Variants in ZNF560 observed in about 807,000 individuals in gnomAD.
ZNF560 encodes the protein zinc finger protein 560.
In ZNF560, 54 loss-of-function variants were observed where a neutral mutation model predicts 81.8. That is an observed-to-expected ratio of 0.66 (90% confidence interval 0.53 to 0.83). ZNF560 has a LOEUF of 0.83. Among genes scored for constraint, ZNF560 ranks in the 40% least tolerant of loss-of-function variants. The probability of loss-of-function intolerance (pLI) is 0.00; values close to 1 mark genes in which losing one functional copy is unlikely to be tolerated. For missense variants in ZNF560, 940 were observed against 932.4 expected (o/e 1.01, Z -0.11); for synonymous variants, 321 against 317.9 (o/e 1.01, Z -0.10).
At chr19:9,446,544 G>A in the ZNF560 span, among the ~76,000 whole-genome samples, 2 of 152,102 alleles carry the variant, frequency 1.3e-5, no homozygotes, top group African/African-American at 4.8e-5. Flanking sequence ...CTGCACTCTG[G>A]TATGCCTTGG....
the ZNF560 span, among the ~76,000 whole-genome samples, chr19:9,446,687 A>G: frequency 6.6e-6 from 1 of 152,184 alleles, no homozygotes; most frequent in Non-Finnish European, 1.5e-5. Flanking sequence ...TCCAGATACA[A>G]TTCAAGTCCC....
the ZNF560 span, among the ~76,000 whole-genome samples, chr19:9,453,684 A>T: frequency 6.6e-6 from 1 of 152,212 alleles, no homozygotes; most frequent in African/African-American, 2.4e-5. Context: ...AGTGCCTACA[A>T]AATATAAAAA....
chr19:9,476,069 A>G (rs2073197250), intron 2 of ZNF560, among the ~76,000 whole-genome samples: 1 of 150,756 alleles, frequency 6.6e-6, no homozygotes, highest in African/African-American at 2.5e-5. Context: ...GAAAGGAACT[A>G]CTAGTGTGAA....
rs377221788 is a variant in ZNF560 at position 9,467,511 on chromosome 19, C to G, written c.1436G>C (p.Arg479Thr). The G allele has an allele frequency of 3.5e-5, 57 of 1,614,110 alleles. No individual in the cohort carries two copies. The East Asian group carries it at 3.6e-4, about 10-fold the overall frequency. The change falls in exon 10 of 10, where the codon AGA becomes ACA. Residue 479 changes from arginine to threonine, a missense_variant. Transcript: ENST00000301480. ...FGTSSGVIED[R>T]RSNTGQKRFD... ...GCGTTTCTGTCCTGTGTTACTTCTT[C>G]TATCTTCAATAACACCTGAGGATGT...
chr19:9,471,371 T>C lies in ZNF560; in HGVS notation c.246A>G (p.Ala82=). 2 of 1,577,920 alleles carry C rather than the reference T, an allele frequency of 1.3e-6. No homozygotes were observed. Among genetic ancestry groups the C allele is most frequent in the Non-Finnish European group, 1.7e-6 (2 of 1,166,838 alleles). The change falls in exon 6 of 10, where the codon GCA becomes GCG. Residue 82 remains alanine, a synonymous_variant. Transcript: ENST00000301480. ...CTGAAACACTGGTTTGATGTTTTAT[T>C]GCCCAGTCTGAAACAAAAACATAAA... is the stretch of plus-strand genomic sequence containing the variant. ...TLQQGVLQDW[A]IKHQTSVSAL...
the ZNF560 span, among the ~76,000 whole-genome samples, chr19:9,455,480 G>C: frequency 6.6e-6 from 1 of 152,152 alleles, no homozygotes. Flanking sequence ...TGCATTAGAC[G>C]CACAAGTGGT....
At position 9,467,123 on chromosome 19, in the gene ZNF560, G is replaced by A; in HGVS notation, c.1824C>T (p.Ala608=). The A allele has an allele frequency of 6.2e-7, 1 of 1,613,946 alleles. No individual in the cohort carries two copies. The highest frequency in any genetic ancestry group is 2.2e-5 in the East Asian group (1 of 44,870). ...TAGTAAGATCTGAGCGTTCTGTGAA[G>A]GCTTTTCCACATTTCTTACATTCAT... ...KPYECKKCGK[A]FTERSDLTKH... Residue 608 remains alanine (A), a synonymous_variant, in exon 10 of 10, where the codon GCC becomes GCT. Coordinates refer to ENST00000301480, the MANE Select transcript of ZNF560 (RefSeq NM_152476.3).
At position 9,498,136 on chromosome 19, in the gene ZNF560, G is replaced by A. The variant is rs1357433873; in HGVS notation, c.-65C>T. Reference sequence around the variant, plus strand: ...TTTTTCCCAATGCTCACCCGAACACGGTGGAGTCGCCAGGTCCGTGGGGCT... The same window carrying A: ...TTTTTCCCAATGCTCACCCGAACACAGTGGAGTCGCCAGGTCCGTGGGGCT... On this transcript the variant is annotated 5_prime_UTR_variant, in exon 2 of 10. Coordinates refer to ENST00000301480, the MANE Select transcript of ZNF560 (RefSeq NM_152476.3). The A allele has an allele frequency of 6.6e-6, 1 of 152,218 alleles. No individual in the cohort carries two copies. The highest frequency in any genetic ancestry group is 1.5e-5 in the Non-Finnish European group (1 of 68,032). The allele number at this position is 152,218 out of a possible 1,614,324, so 9.4% of individuals were successfully genotyped here.
At chr19:9,491,718 C>G (rs1373808418) in intron 2 of ZNF560, among the ~76,000 whole-genome samples, 1 of 149,616 alleles carries the variant, frequency 6.7e-6, no homozygotes, top group Non-Finnish European at 1.5e-5. Context: ...CCCAGCTACT[C>G]AGGAGGCTGA....
Position 9,467,697 on chromosome 19 carries a change from G to A in ZNF560, c.1250C>T (p.Ala417Val), listed in dbSNP as rs763022168. The stretch of plus-strand genomic sequence containing the variant: ...ACATCTTATATGTTCAATAAGGCCT[G>A]CAGATGTACCAAAGGCTTTACCACA... ...KECGKAFGTSAGLIEHIRCHA... is the reference protein window; with the variant it reads ...KECGKAFGTSVGLIEHIRCHA... Residue 417 changes from alanine to valine, a missense_variant, in exon 10 of 10, where the codon GCA (alanine) becomes GTA (valine). By Grantham distance (64) the Ala-to-Val change is moderately conservative. Transcript: ENST00000301480. 9 of 1,613,976 alleles carry A rather than the reference G, an allele frequency of 5.6e-6. No homozygotes were observed. In the African/African-American group the frequency reaches 1.2e-4, roughly 22 times the overall value.
chr19:9,449,220 C>T, the ZNF560 span, among the ~76,000 whole-genome samples: 3 of 152,218 alleles, frequency 2.0e-5, no homozygotes, highest in African/African-American at 7.2e-5. Context: ...GCACACAGAA[C>T]ACTCAAAGAC....
chr19:9,468,128 A>T lies in ZNF560; in HGVS notation c.819T>A (p.Ser273=). 6.2e-7 allele frequency: 1 copy of T among 1,614,074 alleles called. No individual in the cohort carries two copies. The highest frequency in any genetic ancestry group is 1.1e-5 in the South Asian group (1 of 91,054). The change falls in exon 10 of 10, where the codon TCT becomes TCA. Residue 273 remains serine, a synonymous_variant. Transcript: ENST00000301480. ...KVSVFSKHGK[S]FRLILNVQVQ... ...CCTGAACATTTAAAATCAGGCGGAAAGATTTTCCATGCTTACTGAACACAG... is the reference window on the plus strand; with the variant it reads ...CCTGAACATTTAAAATCAGGCGGAATGATTTTCCATGCTTACTGAACACAG...
At chr19:9,451,822 C>T in the ZNF560 span, among the ~76,000 whole-genome samples, 3,766 of 152,164 alleles carry the variant, frequency 0.025, 163 homozygotes, top group African/African-American at 0.087. Context: ...CACCTGTAAC[C>T]CCAGCACTTT....
intron 2 of ZNF560, among the ~76,000 whole-genome samples, chr19:9,495,735 A>G (rs1177384876): frequency 6.6e-6 from 1 of 152,164 alleles, no homozygotes; most frequent in East Asian, 1.9e-4. Flanking sequence ...AAAGAAAGAA[A>G]AGAAAGAAAG....
At chr19:9,471,273 G>A in intron 6 of ZNF560, 23 bp downstream of exon 6, 1 of 1,532,416 alleles carries the variant, frequency 6.5e-7, no homozygotes, top group South Asian at 1.2e-5. Flanking sequence ...TGAAAAATAA[G>A]AAATACCCTT....
chr19:9,466,342 C>CAAA (rs771609940), downstream of ZNF560, among the ~76,000 whole-genome samples: 2 of 127,088 alleles, frequency 1.6e-5, no homozygotes, highest in Non-Finnish European at 1.7e-5. Flanking sequence ...TGAGACTCAT[C>CAAA]AAAAAAAAAA....
intron 5 of ZNF560, among the ~76,000 whole-genome samples, chr19:9,472,115 A>G (rs1202858070): frequency 6.6e-6 from 1 of 152,102 alleles, no homozygotes; most frequent in Non-Finnish European, 1.5e-5. Context: ...GTCTCAAAAA[A>G]AAAAAAAAAA....
intron 2 of ZNF560, among the ~76,000 whole-genome samples, chr19:9,488,193 C>G (rs1001127614): frequency 1.4e-4 from 22 of 152,184 alleles, no homozygotes; most frequent in African/African-American, 5.3e-4. Flanking sequence ...TTTGCACAAG[C>G]CTGCTTCCTC....
At chr19:9,503,198 G>A (rs954699719), upstream of ZNF560, among the ~76,000 whole-genome samples, 1 of 152,004 alleles carries the variant, frequency 6.6e-6, no homozygotes, top group African/African-American at 2.4e-5. Flanking sequence ...TGCAGCTTGG[G>A]GGACCAGAGC....
Sources: gnomAD v4.1 joint callset for allele counts (sites outside exome capture counted in the v4.1 genomes callset) on GRCh38, gnomAD v4.1.1 for gene constraint, MANE v1.5 for transcripts, NCBI Gene and HGNC (gene_info 2026-07-23, HGNC 2026-07-21) for gene names.